The following OPA3 variants were observed in gnomAD, a reference collection of about 807,000 sequenced individuals.
OPA3 encodes the protein outer mitochondrial membrane lipid metabolism regulator OPA3.
In OPA3, 6 loss-of-function variants were observed where a neutral mutation model predicts 4.0. The ratio of observed to expected loss-of-function variants is 1.51; its 90% CI spans 0.83 to 2.99. The LOEUF (loss-of-function observed/expected upper bound fraction) is 2.99. Among genes scored for constraint, OPA3 ranks in the 30% most tolerant of loss-of-function variants. The pLI, the probability that OPA3 is intolerant of heterozygous loss-of-function variation, is 0.00. For synonymous variants in OPA3, 105 were observed against 117.1 expected (o/e 0.90, Z 0.67); for missense variants, 235 against 256.2 (o/e 0.92, Z 0.56).
At chr19:45,557,647 C>T (rs561559692) in intron 1 of OPA3, among the ~76,000 whole-genome samples, 2 of 152,288 alleles carry the variant, frequency 1.3e-5, no homozygotes, top group East Asian at 1.9e-4. Flanking sequence ...AACATCTCTC[C>T]CAGTGGATTC....
intron 1 of OPA3, among the ~76,000 whole-genome samples, chr19:45,579,412 G>A: frequency 6.6e-6 from 1 of 151,992 alleles, no homozygotes; most frequent in Non-Finnish European, 1.5e-5. Flanking sequence ...GTAGAGATGG[G>A]GTTTCACCAT....
At chr19:45,584,118 A>T (rs535320002) in intron 1 of OPA3, among the ~76,000 whole-genome samples, 1 of 152,216 alleles carries the variant, frequency 6.6e-6, no homozygotes, top group South Asian at 2.1e-4. Context: ...CATGCCCCTA[A>T]TCCAGACTTA....
Position 45,553,624 on chromosome 19 carries a change from G to GCGC in OPA3, c.427_429dup (p.Ala143dup). On this transcript the variant is annotated inframe_insertion, in exon 2 of 2. Coordinates refer to ENST00000263275, the MANE Select transcript of OPA3 (RefSeq NM_025136.4). ...AGTTCCTCCAGGGCGCCCTGTGGCG[G>GCGC]CGCCGCCTGCACCTGCGCCTGCAGC... 1 of 1,607,126 alleles carries GCGC rather than the reference G, an allele frequency of 6.2e-7. No homozygotes were observed. The highest frequency in any genetic ancestry group is 2.2e-5 in the East Asian group (1 of 44,810).
Position 45,584,671 on chromosome 19 carries a change from G to A in OPA3, c.94C>T (p.Arg32Cys), listed in dbSNP as rs753632531. Reference sequence around the variant, plus strand: ...TAGGTCTTGAAGAACTCGCTTCGGCGGGCGGCCTCCTTAATACGGTTGGCA... The same window carrying A: ...TAGGTCTTGAAGAACTCGCTTCGGCAGGCGGCCTCCTTAATACGGTTGGCA... ...PLANRIKEAA[R>C]RSEFFKTYIC... is the part of the protein sequence containing the mutation. Residue 32 changes from arginine to cysteine, a missense_variant, in exon 1 of 2, where the codon CGC becomes TGC. Transcript: ENST00000263275. 6.2e-7 allele frequency: 1 copy of A among 1,614,204 alleles called. No homozygotes were observed. Among genetic ancestry groups the A allele is most frequent in the South Asian group, 1.1e-5 (1 of 91,086 alleles).
chr19:45,557,631 A>G (rs1199708124), intron 1 of OPA3, among the ~76,000 whole-genome samples: 1 of 152,114 alleles, frequency 6.6e-6, no homozygotes, highest in Non-Finnish European at 1.5e-5. Context: ...TCCATTCTGC[A>G]TCTTGAACAT....
intron 1 of OPA3, among the ~76,000 whole-genome samples, chr19:45,534,061 G>A (rs1470210714): frequency 6.6e-6 from 1 of 152,156 alleles, no homozygotes; most frequent in Non-Finnish European, 1.5e-5. Context: ...TTACAATATT[G>A]AACCTTCCAA....
intron 1 of OPA3, among the ~76,000 whole-genome samples, chr19:45,555,324 G>T (rs1051795560): frequency 6.6e-6 from 1 of 152,022 alleles, no homozygotes; most frequent in African/African-American, 2.4e-5. Flanking sequence ...GACTGAAAAA[G>T]AAGAGCTTGT....
chr19:45,568,937 G>C (rs1969622184), intron 1 of OPA3, among the ~76,000 whole-genome samples: 1 of 152,178 alleles, frequency 6.6e-6, no homozygotes. Context: ...AAGGATCTTT[G>C]TTCTGTTGAC....
rs1421318027 is a variant in OPA3 at position 45,551,747 on chromosome 19, G to A, written c.*1767C>T. On this transcript the variant is annotated 3_prime_UTR_variant, in exon 2 of 2. Coordinates refer to ENST00000263275, the MANE Select transcript of OPA3 (RefSeq NM_025136.4). The stretch of plus-strand genomic sequence containing the variant: ...ATTGGTAGGATGGGGGTGGGACCGG[G>A]GGCTATGGAGGCAGGAGGGTACTGC... 4.1e-6 allele frequency: 4 copies of A among 985,480 alleles called. No individual in the cohort carries two copies. The highest frequency in any genetic ancestry group is 4.8e-6 in the Non-Finnish European group (4 of 830,048). 61.0% of individuals were successfully genotyped at this position (985,480 alleles called of 1,614,324 possible).
At chr19:45,536,913 G>C (rs902998423) in intron 1 of OPA3, among the ~76,000 whole-genome samples, 1 of 151,934 alleles carries the variant, frequency 6.6e-6, no homozygotes, top group Non-Finnish European at 1.5e-5. Flanking sequence ...AAATATGATA[G>C]ACACAAAAAT....
intron 1 of OPA3, among the ~76,000 whole-genome samples, chr19:45,534,450 ACT>A (rs1969093027): frequency 6.8e-6 from 1 of 147,644 alleles, no homozygotes; most frequent in Non-Finnish European, 1.5e-5. Flanking sequence ...TAATCCCAGT[ACT>A]TTCGAGGCTG....
At chr19:45,533,161 G>A (rs771068897) in intron 1 of OPA3, among the ~76,000 whole-genome samples, 44 of 151,684 alleles carry the variant, frequency 2.9e-4, no homozygotes, top group Non-Finnish European at 6.2e-4. Context: ...AAAGTGCTGA[G>A]ATTACAGGCA....
Position 45,558,062 on chromosome 19 carries a change from G to C in OPA3, c.143-4151C>G, listed in dbSNP as rs550413193. ...AGAAAAGAACAAACTGGCTGGGCGC[G>C]GTAGCTCAGGCCTTTAATCCCAGCG... On this transcript the variant is annotated intron_variant, in intron 1 of 1. Transcript: ENST00000263275. 2.0e-5 allele frequency among the ~76,000 whole-genome samples: 3 copies of C among 152,194 alleles called. No individual in the cohort carries two copies. The South Asian group carries it at 6.2e-4, about 31-fold the overall frequency.
Position 45,549,928 on chromosome 19 carries a change from C to T in OPA3, c.*3586G>A, listed in dbSNP as rs985196664. The T allele has an allele frequency of 2.0e-5, 19 of 948,008 alleles. No homozygotes were observed. The highest frequency in any genetic ancestry group is 1.2e-4 in the East Asian group (1 of 8,564). 58.7% of individuals were successfully genotyped at this position (948,008 alleles called of 1,614,324 possible). On this transcript the variant is annotated 3_prime_UTR_variant, in exon 2 of 2. Coordinates refer to ENST00000263275, the MANE Select transcript of OPA3 (RefSeq NM_025136.4). ...ATCCCAGCACTTTGGGAGGCCGAGG[C>T]GGGCGGATTACCTGAGGTCAGGAGT...
At chr19:45,531,374 T>A (rs569807129) in intron 1 of OPA3, among the ~76,000 whole-genome samples, 2 of 152,208 alleles carry the variant, frequency 1.3e-5, no homozygotes, top group Admixed American at 1.3e-4. Flanking sequence ...CCTAGAATGA[T>A]GATTCTCAAA....
At position 45,548,581 on chromosome 19, in the gene OPA3, GTC is replaced by G; in HGVS notation, c.*4931_*4932del. ...ACCCGGTGACGGCAGGGCTGGGGCT[GTC>G]TCTGTCACCACTGTGACCCCAGCAT... On this transcript the variant is annotated 3_prime_UTR_variant, in exon 2 of 2. Coordinates refer to ENST00000263275, the MANE Select transcript of OPA3 (RefSeq NM_025136.4). 1.0e-6 allele frequency: 1 copy of G among 985,362 alleles called. No homozygotes were observed. The highest frequency in any genetic ancestry group is 4.7e-5 in the South Asian group (1 of 21,288). The allele number at this position is 985,362 out of a possible 1,614,324, so 61.0% of individuals were successfully genotyped here. A position where few individuals can be genotyped will look rare whatever the true frequency, so the allele number is the denominator to read the frequency against.
chr19:45,548,539 G>C lies in OPA3; in HGVS notation c.*4975C>G, dbSNP rs567309052. 3 of 985,292 alleles carry C rather than the reference G, an allele frequency of 3.0e-6. No homozygotes were observed. The African/African-American group carries it at 5.2e-5, about 17-fold the overall frequency. The allele number at this position is 985,292 out of a possible 1,614,324, so 61.0% of individuals were successfully genotyped here. On this transcript the variant is annotated 3_prime_UTR_variant, in exon 2 of 2. Transcript: ENST00000263275. Reference sequence around the variant, plus strand: ...AGGGAACACTGGAAAAGAAATGTACGTGTGAGCATCTGTAAGACCCGGTGA... The same window carrying C: ...AGGGAACACTGGAAAAGAAATGTACCTGTGAGCATCTGTAAGACCCGGTGA...
Position 45,549,141 on chromosome 19 carries a change from A to G in OPA3, c.*4373T>C, listed in dbSNP as rs1969295142. On this transcript the variant is annotated 3_prime_UTR_variant, in exon 2 of 2. Coordinates refer to ENST00000263275, the MANE Select transcript of OPA3 (RefSeq NM_025136.4). Reference sequence around the variant, plus strand: ...TTAAATATGAAAAAAGAATGCATCAACTTGAAGATAATCAGCTTCATTTAC... The same window carrying G: ...TTAAATATGAAAAAAGAATGCATCAGCTTGAAGATAATCAGCTTCATTTAC... The G allele has an allele frequency of 4.1e-6, 4 of 985,338 alleles. No individual in the cohort carries two copies. 61.0% of individuals were successfully genotyped at this position (985,338 alleles called of 1,614,324 possible).
intron 1 of OPA3, among the ~76,000 whole-genome samples, chr19:45,555,230 T>C (rs981172146): frequency 9.9e-5 from 15 of 152,238 alleles, no homozygotes; most frequent in Non-Finnish European, 2.1e-4. Flanking sequence ...GTTGCCGACA[T>C]ATAAATCACT....
Sources: gnomAD v4.1 joint callset for allele counts (sites outside exome capture counted in the v4.1 genomes callset) on GRCh38, gnomAD v4.1.1 for gene constraint, MANE v1.5 for transcripts, NCBI Gene and HGNC (gene_info 2026-07-23, HGNC 2026-07-21) for gene names.